Variants in ZNF587 observed in about 807,000 individuals in gnomAD.
The protein encoded by ZNF587 is zinc finger protein 587.
In ZNF587, 8 loss-of-function variants were observed where a neutral mutation model predicts 7.5. The ratio of observed to expected loss-of-function variants is 1.06; its 90% CI spans 0.62 to 1.92. ZNF587 has a LOEUF of 1.92. ZNF587 is among the 40% of genes most tolerant of loss of function. The pLI is 0.00. For synonymous variants in ZNF587, 145 were observed against 237.8 expected (o/e 0.61, Z 3.59); for missense variants, 468 against 692.8 (o/e 0.68, Z 3.64).
chr19:57,856,145 C>T lies in ZNF587; in HGVS notation c.75C>T (p.Ser25=). 2 of 1,612,696 alleles carry T rather than the reference C, an allele frequency of 1.2e-6. No homozygotes were observed. Among genetic ancestry groups the T allele is most frequent in the Non-Finnish European group, 1.7e-6 (2 of 1,179,498 alleles). Reference sequence around the variant, plus strand: ...TTGAAGATGTGGCTGTGAACTTTTCCCAGGAGGAGTGGTGTCTTCTTAGTG... The same window carrying T: ...TTGAAGATGTGGCTGTGAACTTTTCTCAGGAGGAGTGGTGTCTTCTTAGTG... ...VTFEDVAVNF[S]QEEWCLLSEA... The change falls in exon 2 of 3, where the codon TCC becomes TCT. Residue 25 remains serine (S), a synonymous_variant. Coordinates refer to ENST00000339656, the MANE Select transcript of ZNF587 (RefSeq NM_032828.4).
chr19:57,852,349 C>T, intron 1 of ZNF587: 1 of 398,604 alleles, frequency 2.5e-6, no homozygotes, highest in East Asian at 3.6e-5. Flanking sequence ...ACAGTTCTAC[C>T]TGGCTACAGG....
intron 1 of ZNF587, chr19:57,850,552 A>G (rs1441866391): frequency 4.7e-6 from 2 of 425,700 alleles, no homozygotes; most frequent in Non-Finnish European, 8.3e-6. Flanking sequence ...TGATCCATCC[A>G]GTGCAGGATC....
chr19:57,854,727 TC>T (rs2071329258), intron 1 of ZNF587, among the ~76,000 whole-genome samples: 1 of 151,978 alleles, frequency 6.6e-6, no homozygotes, highest in African/African-American at 2.4e-5. Context: ...CGTTATACCC[TC>T]TTCATCTTGT....
In ZNF587 at chr19:57,864,541, A is replaced by C. The variant is rs1315442131; in HGVS notation, c.*4401A>C. The C allele has an allele frequency of 2.6e-5, 4 of 152,122 alleles. No homozygotes were observed. 9.4% of individuals were successfully genotyped at this position (152,122 alleles called of 1,614,324 possible). ...AAATAGCAAGGTACAGTCAGATGTT[A>C]ACAGTCTCAGCCCCTAAATGTCACC... On this transcript the variant is annotated 3_prime_UTR_variant, in exon 3 of 3. Coordinates refer to ENST00000339656, the MANE Select transcript of ZNF587 (RefSeq NM_032828.4).
At chr19:57,850,648 A>G (rs1317697809) in intron 1 of ZNF587, 2 of 399,066 alleles carry the variant, frequency 5.0e-6, no homozygotes, top group Admixed American at 4.4e-5. Context: ...TGCGGAGACA[A>G]AGGAGTTAGA....
rs1428317492 is a variant in ZNF587, at chr19:57,858,520, G to A, written c.164-56G>A. 4 of 1,565,834 alleles carry A rather than the reference G, an allele frequency of 2.6e-6. No individual in the cohort carries two copies. The Admixed American group carries it at 5.7e-5, about 22-fold the overall frequency. On this transcript the variant is annotated intron_variant, in intron 2 of 2. Coordinates refer to ENST00000339656, the MANE Select transcript of ZNF587 (RefSeq NM_032828.4). ...ATTTGTGAGACGTACTTGTGGGTGG[G>A]CTGTGCCTTCCCGCCGGAGGTACTT...
Position 57,864,555 on chromosome 19 carries a change from C to G in ZNF587, c.*4415C>G, listed in dbSNP as rs1238945485. On this transcript the variant is annotated 3_prime_UTR_variant, in exon 3 of 3. Coordinates refer to ENST00000339656, the MANE Select transcript of ZNF587 (RefSeq NM_032828.4). The stretch of plus-strand genomic sequence containing the variant: ...AGTCAGATGTTAACAGTCTCAGCCC[C>G]TAAATGTCACCTTGTATTACAGCAT... The G allele has an allele frequency of 1.3e-5, 2 of 152,012 alleles. No individual in the cohort carries two copies. The highest frequency in any genetic ancestry group is 4.8e-5 in the African/African-American group (2 of 41,372). The allele number at this position is 152,012 out of a possible 1,614,324, so 9.4% of individuals were successfully genotyped here.
At position 57,859,939 on chromosome 19, in the gene ZNF587, T is replaced by A. The variant is rs1456372023; in HGVS notation, c.1527T>A (p.Val509=). The A allele has an allele frequency of 6.2e-7, 1 of 1,614,024 alleles. No homozygotes were observed. The highest frequency in any genetic ancestry group is 2.2e-5 in the East Asian group (1 of 44,870). The change falls in exon 3 of 3, where the codon GTT becomes GTA. Residue 509 remains valine, a synonymous_variant. Transcript: ENST00000339656. ...TTCTTTCCAGCTCTGCGCTTCATGT[T>A]CATAAAAGAGTTCATTCTGGACAAA... ...KSFLSSSALH[V]HKRVHSGQKP...
rs1483593728 is a variant in ZNF587 at position 57,860,378 on chromosome 19, C to T, written c.*238C>T. ...GGGCCTCCTGGGTTCATGCAATCCTCCTACCTCAGCCTCCTGAGTAGCTGG... is the reference window on the plus strand; with the variant it reads ...GGGCCTCCTGGGTTCATGCAATCCTTCTACCTCAGCCTCCTGAGTAGCTGG... On this transcript the variant is annotated 3_prime_UTR_variant, in exon 3 of 3. Coordinates refer to ENST00000339656, the MANE Select transcript of ZNF587 (RefSeq NM_032828.4). The T allele has an allele frequency of 3.6e-5, 23 of 635,200 alleles. No individual in the cohort carries two copies. In the East Asian group the frequency reaches 6.4e-4, roughly 18 times the overall value. The allele number at this position is 635,200 out of a possible 1,614,324, so 39.3% of individuals were successfully genotyped here.
chr19:57,862,240 C>G lies in ZNF587; in HGVS notation c.*2100C>G, dbSNP rs994905874. On this transcript the variant is annotated 3_prime_UTR_variant, in exon 3 of 3. Coordinates refer to ENST00000339656, the MANE Select transcript of ZNF587 (RefSeq NM_032828.4). ...TCTTTCTAAGATTACCTTACTATTT[C>G]TTTTGTTCCAAGTTTGTACTTCCTC... The G allele has an allele frequency of 2.0e-5, 3 of 151,802 alleles. No individual in the cohort carries two copies. Among genetic ancestry groups the G allele is most frequent in the Admixed American group, 1.3e-4 (2 of 15,256 alleles). The allele number at this position is 151,802 out of a possible 1,614,324, so 9.4% of individuals were successfully genotyped here. A position where few individuals can be genotyped will look rare whatever the true frequency, so the allele number is the denominator to read the frequency against.
At chr19:57,854,741 A>G (rs2071329410) in intron 1 of ZNF587, among the ~76,000 whole-genome samples, 1 of 152,032 alleles carries the variant, frequency 6.6e-6, no homozygotes, top group Non-Finnish European at 1.5e-5. Context: ...CATCTTGTGA[A>G]ATAATTTTAT....
In ZNF587 at chr19:57,857,594, G is replaced by GTA. The variant is rs1005587145; in HGVS notation, c.164-974_164-973dup. ...CACATGTTTCTATATATATATAGAT[G>GTA]TATATATATGTGTGTATGTGTATAT... On this transcript the variant is annotated intron_variant, in intron 2 of 2. Transcript: ENST00000339656. Among the ~76,000 whole-genome samples the GTA allele has an allele frequency of 3.3e-5, 5 of 150,898 alleles. 1 individual carries two copies. The highest frequency in any genetic ancestry group is 1.9e-4 in the East Asian group (1 of 5,176).
chr19:57,850,298 T>A, intron 1 of ZNF587: 5 of 690,500 alleles, frequency 7.2e-6, no homozygotes, highest in Non-Finnish European at 1.2e-5. Context: ...GAAATAGTAA[T>A]TCACGCAGAG....
intron 1 of ZNF587, among the ~76,000 whole-genome samples, chr19:57,853,272 T>C (rs576712669): frequency 2.0e-4 from 31 of 152,228 alleles, no homozygotes; most frequent in Non-Finnish European, 4.1e-4. Context: ...ATGACGTTGG[T>C]ATTGACATAA....
intron 2 of ZNF587, 105 bp downstream of exon 2, chr19:57,856,338 C>T (rs901513965): frequency 6.0e-6 from 9 of 1,497,310 alleles, no homozygotes; most frequent in Non-Finnish European, 8.0e-6. Flanking sequence ...GACACAGGTT[C>T]CTTCTGCACT....
At chr19:57,852,573 C>T (rs1478031158) in intron 1 of ZNF587, among the ~76,000 whole-genome samples, 1 of 146,734 alleles carries the variant, frequency 6.8e-6, no homozygotes, top group Admixed American at 6.7e-5. Context: ...GTTGCCCAGG[C>T]TGGAGTGCAA....
At chr19:57,852,606 G>C (rs1201121617) in intron 1 of ZNF587, among the ~76,000 whole-genome samples, 1 of 151,652 alleles carries the variant, frequency 6.6e-6, no homozygotes, top group Non-Finnish European at 1.5e-5. Context: ...GGGCTCACTG[G>C]AGCCTCTGCC....
In ZNF587 at chr19:57,859,603, C is replaced by A. The variant is rs201126888; in HGVS notation, c.1191C>A (p.His397Gln). 4.7e-4 allele frequency: 761 copies of A among 1,613,228 alleles called. 3 individuals carry two copies. Among genetic ancestry groups the A allele is most frequent in the East Asian group, 4.5e-4 (20 of 44,824 alleles). Reference sequence around the variant, plus strand: ...TTGGTCAAAAGGGCAACCTCGTTCACCATCAGCGAGGTCATACTGGAGAAA... The same window carrying A: ...TTGGTCAAAAGGGCAACCTCGTTCAACATCAGCGAGGTCATACTGGAGAAA... ...KSFGQKGNLV[H>Q]HQRGHTGERP... The change falls in exon 3 of 3, where the codon CAC (histidine) becomes CAA (glutamine). Residue 397 changes from histidine to glutamine, a missense_variant. Transcript: ENST00000339656.
rs1458861210 is a variant in ZNF587, at chr19:57,859,946, A to C, written c.1534A>C (p.Arg512=). 1.9e-5 allele frequency: 31 copies of C among 1,614,050 alleles called. No homozygotes were observed. The highest frequency in any genetic ancestry group is 2.6e-5 in the Non-Finnish European group (31 of 1,180,030). ...LSSSALHVHK[R]VHSGQKPYKC... ...CAGCTCTGCGCTTCATGTTCATAAAAGAGTTCATTCTGGACAAAAGCCTTA... is the reference window on the plus strand; with the variant it reads ...CAGCTCTGCGCTTCATGTTCATAAACGAGTTCATTCTGGACAAAAGCCTTA... Residue 512 remains arginine (R), a synonymous_variant, in exon 3 of 3, where the codon AGA becomes CGA. Transcript: ENST00000339656.
Sources: gnomAD v4.1 joint callset for allele counts (sites outside exome capture counted in the v4.1 genomes callset) on GRCh38, gnomAD v4.1.1 for gene constraint, MANE v1.5 for transcripts, NCBI Gene and HGNC (gene_info 2026-07-23, HGNC 2026-07-21) for gene names.